KCNAB1: variants seen among roughly 807,000 people sequenced by gnomAD.
KCNAB1 encodes voltage-gated potassium channel subunit beta-1.
KCNAB1 carries 35 observed loss-of-function variants against 64.6 expected under a neutral mutation model. The ratio of observed to expected loss-of-function variants is 0.54; its 90% CI spans 0.41 to 0.72. KCNAB1 has a LOEUF of 0.72. Among genes scored for constraint, KCNAB1 ranks in the 30% least tolerant of loss-of-function variants. KCNAB1 has a pLI of 0.00. For missense variants in KCNAB1, 401 were observed against 512.9 expected (o/e 0.78, Z 2.11); for synonymous variants, 177 against 183.8 (o/e 0.96, Z 0.30).
At chr3:156,285,564 A>G (rs1720054150) in intron 1 of KCNAB1, among the ~76,000 whole-genome samples, 1 of 151,798 alleles carries the variant, frequency 6.6e-6, no homozygotes, top group Non-Finnish European at 1.5e-5. Context: ...CAGTGGCGTG[A>G]CTCTTGGCTC....
intron 1 of KCNAB1, among the ~76,000 whole-genome samples, chr3:156,305,935 G>A (rs1721463680): frequency 6.6e-6 from 1 of 152,178 alleles, no homozygotes; most frequent in Non-Finnish European, 1.5e-5. Context: ...TTGTTGGTCT[G>A]CTAAGAATGT....
intron 1 of KCNAB1, among the ~76,000 whole-genome samples, chr3:156,208,124 G>C (rs1714777168): frequency 6.6e-6 from 1 of 152,098 alleles, no homozygotes; most frequent in African/African-American, 2.4e-5. Flanking sequence ...TAAGGCTTGT[G>C]CTATATCCTT....
intron 1 of KCNAB1, among the ~76,000 whole-genome samples, chr3:156,343,897 A>G (rs1224560699): frequency 2.0e-5 from 3 of 152,222 alleles, no homozygotes; most frequent in Non-Finnish European, 4.4e-5. Flanking sequence ...TGAAGATCCA[A>G]TTTGACACAT....
intron 11 of KCNAB1, among the ~76,000 whole-genome samples, chr3:156,520,982 T>A (rs1220045957): frequency 6.6e-6 from 1 of 152,216 alleles, no homozygotes; most frequent in African/African-American, 2.4e-5. Flanking sequence ...CAGACTATTC[T>A]TACCCCAATA....
intron 8 of KCNAB1, among the ~76,000 whole-genome samples, 160 bp downstream of exon 8, chr3:156,474,980 C>T (rs971741575): frequency 2.4e-4 from 37 of 152,258 alleles, no homozygotes; most frequent in African/African-American, 8.2e-4. Context: ...CGTTTAACCC[C>T]AAAACCAATG....
intron 1 of KCNAB1, among the ~76,000 whole-genome samples, chr3:156,322,804 G>A (rs896701755): frequency 6.6e-6 from 1 of 152,178 alleles, no homozygotes; most frequent in Admixed American, 6.5e-5. Context: ...AGTATTAAGA[G>A]ACGGAGGCAT....
At chr3:156,126,572 C>A (rs1343165504) in intron 1 of KCNAB1, among the ~76,000 whole-genome samples, 1 of 152,102 alleles carries the variant, frequency 6.6e-6, no homozygotes, top group Admixed American at 6.5e-5. Context: ...TGTAGCTGGG[C>A]CTGGTGATGA....
At chr3:156,402,384 C>T (rs1225630844) in intron 1 of KCNAB1, among the ~76,000 whole-genome samples, 2 of 152,090 alleles carry the variant, frequency 1.3e-5, no homozygotes, top group Non-Finnish European at 2.9e-5. Context: ...TCTTTGTAAA[C>T]ATATACTTTT....
In KCNAB1 at chr3:156,128,081, C is replaced by T. The variant is rs183558154; in HGVS notation, c.275+7195C>T. ...GCTCCTCTTTCTGAGATCTCTCTGC[C>T]GCTACAGGGAATGGGCTCATGTAAC... On this transcript the variant is annotated intron_variant, in intron 1 of 13. Coordinates refer to ENST00000490337, the MANE Select transcript of KCNAB1 (RefSeq NM_172160.3). Among the ~76,000 whole-genome samples the T allele has an allele frequency of 2.3e-3, 354 of 152,230 alleles. 1 individual carries two copies. Among genetic ancestry groups the T allele is most frequent in the African/African-American group, 7.4e-3 (308 of 41,546 alleles).
chr3:156,145,605 G>T (rs1436141066), intron 1 of KCNAB1, among the ~76,000 whole-genome samples: 1 of 152,210 alleles, frequency 6.6e-6, no homozygotes, highest in South Asian at 2.1e-4. Flanking sequence ...CCATGGCTAT[G>T]TTAAAAAAAC....
rs556281307 is a variant in KCNAB1 at position 156,353,931 on chromosome 3, CT to C, written c.276-67684del. Among the ~76,000 whole-genome samples, 337 of 152,044 alleles carry C rather than the reference CT, an allele frequency of 2.2e-3. 1 individual carries two copies. Among genetic ancestry groups the C allele is most frequent in the African/African-American group, 7.5e-3 (311 of 41,462 alleles). On this transcript the variant is annotated intron_variant, in intron 1 of 13. Transcript: ENST00000490337. ...ACAAAAATATCTTAAACAAATTGCA[CT>C]GCAGAAGCTATTTGTGTGACACGTG...
chr3:156,228,444 C>A (rs13076854), intron 1 of KCNAB1, among the ~76,000 whole-genome samples: 15,779 of 152,214 alleles, frequency 0.1, 1,115 homozygotes, highest in Non-Finnish European at 0.15. Flanking sequence ...TTCTGGAAGT[C>A]CCTGAAATGC....
chr3:156,305,943 T>G (rs1721464735), intron 1 of KCNAB1, among the ~76,000 whole-genome samples: 1 of 152,178 alleles, frequency 6.6e-6, no homozygotes, highest in Admixed American at 6.5e-5. Context: ...CTGCTAAGAA[T>G]GTGGGTCAGC....
chr3:156,246,888 C>A (rs1254323482), intron 1 of KCNAB1, among the ~76,000 whole-genome samples: 1 of 152,110 alleles, frequency 6.6e-6, no homozygotes, highest in Non-Finnish European at 1.5e-5. Flanking sequence ...TGTGTAAGTG[C>A]TCTGTAACCT....
intron 8 of KCNAB1, among the ~76,000 whole-genome samples, chr3:156,484,885 A>C (rs1715087746): frequency 6.6e-6 from 1 of 152,126 alleles, no homozygotes; most frequent in South Asian, 2.1e-4. Context: ...CTGCAATCAG[A>C]AGGTGAGGGC....
chr3:156,438,608 A>C (rs1413412575), intron 2 of KCNAB1, among the ~76,000 whole-genome samples: 1 of 152,212 alleles, frequency 6.6e-6, no homozygotes, highest in Non-Finnish European at 1.5e-5. Flanking sequence ...CTTTGGAGAT[A>C]ATAAGGAAAG....
chr3:156,476,623 C>T (rs777761171), intron 8 of KCNAB1, among the ~76,000 whole-genome samples: 2 of 151,536 alleles, frequency 1.3e-5, no homozygotes, highest in African/African-American at 2.4e-5. Flanking sequence ...GTTTCTTTAT[C>T]CACTCGTTGA....
chr3:156,318,300 T>C (rs1016115564), intron 1 of KCNAB1, among the ~76,000 whole-genome samples: 1 of 152,140 alleles, frequency 6.6e-6, no homozygotes, highest in African/African-American at 2.4e-5. Flanking sequence ...AGAATCGTGG[T>C]TGTTAGAAAT....
intron 8 of KCNAB1, among the ~76,000 whole-genome samples, chr3:156,478,809 T>C (rs111908079): frequency 1.9e-3 from 292 of 152,266 alleles, no homozygotes; most frequent in African/African-American, 6.7e-3. Context: ...CTTTATAACA[T>C]ATTGGCATCA....
Sources: allele counts gnomAD v4.1 joint callset (sites outside exome capture counted in the v4.1 genomes callset), GRCh38; gene constraint gnomAD v4.1.1; transcripts MANE v1.5; gene names NCBI Gene and HGNC (gene_info 2026-07-23, HGNC 2026-07-21).